Variants in IFNG observed in about 807,000 individuals in gnomAD.
IFNG encodes the protein interferon gamma.
In IFNG, 8 loss-of-function variants were observed where a neutral mutation model predicts 14.4. That is an observed-to-expected ratio of 0.56 (90% CI 0.33 to 1.00). IFNG has a LOEUF of 1.00. IFNG is among the 50% of genes least tolerant of loss of function. The pLI is 0.03. For missense variants in IFNG, 132 were observed against 194.9 expected, an observed-to-expected ratio of 0.68 and a Z score of 1.92; for synonymous variants, 73 against 65.4, an observed-to-expected ratio of 1.12 and a Z score of -0.56.
chr12:68,155,407 T>C lies in IFNG; in HGVS notation c.447A>G (p.Thr149=), dbSNP rs2120738723. 6.2e-7 allele frequency: 1 copy of C among 1,612,310 alleles called. No individual in the cohort carries two copies. The highest frequency in any genetic ancestry group is 8.5e-7 in the Non-Finnish European group (1 of 1,178,960). Reference sequence around the variant, plus strand: ...GCATCTGACTCCTTTTTCGCTTCCCTGTTTTAGCTGCTGGCGACAGTTCAG... The same window carrying C: ...GCATCTGACTCCTTTTTCGCTTCCCCGTTTTAGCTGCTGGCGACAGTTCAG... The part of the protein sequence containing the change: ...VMAELSPAAK[T]GKRKRSQMLF... Residue 149 remains threonine, a synonymous_variant, in exon 4 of 4, where the codon ACA becomes ACG. Coordinates refer to ENST00000229135, the MANE Select transcript of IFNG (RefSeq NM_000619.3).
chr12:68,155,823 C>T (rs548516864), intron 3 of IFNG, among the ~76,000 whole-genome samples: 1 of 152,290 alleles, frequency 6.6e-6, no homozygotes, highest in South Asian at 2.1e-4. Context: ...GAGCCAGCTA[C>T]TTAACCTCTC....
At chr12:68,157,225 A>G (rs1010148093) in intron 3 of IFNG, among the ~76,000 whole-genome samples, 3 of 152,188 alleles carry the variant, frequency 2.0e-5, no homozygotes, top group African/African-American at 7.2e-5. Context: ...ATTTTTCCCT[A>G]AAAACAAACA....
In IFNG at chr12:68,159,482, T is replaced by C; in HGVS notation, c.114+20A>G. 1 of 1,166,568 alleles carries C rather than the reference T, an allele frequency of 8.6e-7. No individual in the cohort carries two copies. Among genetic ancestry groups the C allele is most frequent in the Non-Finnish European group, 1.3e-6 (1 of 789,128 alleles). The allele number at this position is 1,166,568 out of a possible 1,614,324, so 72.3% of individuals were successfully genotyped here. ...GTCATTTTCAACCACAAACAAGTAC[T>C]ATTAAAAAGTCATACTTACAAAATA... On this transcript the variant is annotated intron_variant, in intron 1 of 3. Coordinates refer to ENST00000229135, the MANE Select transcript of IFNG (RefSeq NM_000619.3).
In IFNG at chr12:68,155,181, G is replaced by A; in HGVS notation, c.*172C>T. Reference sequence around the variant, plus strand: ...TAAGTGAGACAGTCACAGGATATAGGAATTATAAATAATACATATATTAAT... The same window carrying A: ...TAAGTGAGACAGTCACAGGATATAGAAATTATAAATAATACATATATTAAT... On this transcript the variant is annotated 3_prime_UTR_variant, in exon 4 of 4. Coordinates refer to ENST00000229135, the MANE Select transcript of IFNG (RefSeq NM_000619.3). The A allele has an allele frequency of 2.4e-6, 1 of 418,244 alleles. No homozygotes were observed. Among genetic ancestry groups the A allele is most frequent in the Non-Finnish European group, 4.1e-6 (1 of 243,434 alleles). 25.9% of individuals were successfully genotyped at this position (418,244 alleles called of 1,614,324 possible).
chr12:68,158,850 A>C (rs1238068032), intron 1 of IFNG, among the ~76,000 whole-genome samples: 2 of 152,178 alleles, frequency 1.3e-5, no homozygotes, highest in Non-Finnish European at 2.9e-5. Flanking sequence ...AAATATTTAA[A>C]ATGTAAAAAC....
rs1343745656 is a variant in IFNG at position 68,155,357 on chromosome 12, T to A, written c.497A>T (p.Gln166Leu). Residue 166 changes from glutamine (Q) to leucine (L), a missense_variant, in exon 4 of 4, where the codon CAG (glutamine) becomes CTG (leucine). Transcript: ENST00000229135. ...ATATTGCAGGCAGGACAACCATTAC[T>A]GGGATGCTCTTCGACCTCGAAACAG... ...QMLFRGRRAS[Q>L] The A allele has an allele frequency of 6.2e-7, 1 of 1,606,028 alleles. No homozygotes were observed.
intron 3 of IFNG, among the ~76,000 whole-genome samples, chr12:68,156,722 A>G (rs1249501246): frequency 1.3e-5 from 2 of 152,162 alleles, no homozygotes; most frequent in Non-Finnish European, 1.5e-5. Context: ...TTACTTTCCA[A>G]TGTTCAAATC....
At chr12:68,159,386 C>A in intron 1 of IFNG, 116 bp downstream of exon 1, 1 of 579,694 alleles carries the variant, frequency 1.7e-6, no homozygotes, top group East Asian at 2.8e-5. Context: ...AACAAAATAA[C>A]ACCAAATCTC....
intron 2 of IFNG, 33 bp downstream of exon 2, chr12:68,158,158 G>C (rs1490550265): frequency 6.3e-7 from 1 of 1,596,956 alleles, no homozygotes; most frequent in Admixed American, 1.7e-5. Context: ...GCAAGCAACA[G>C]GAAAATTAGC....
At position 68,157,939 on chromosome 12, in the gene IFNG, C is replaced by A. The variant is rs1178805738; in HGVS notation, c.340G>T (p.Asp114Tyr). The A allele has an allele frequency of 1.9e-6, 3 of 1,602,664 alleles. No individual in the cohort carries two copies. In the South Asian group the frequency reaches 3.4e-5, roughly 18 times the overall value. The change falls in exon 3 of 4, where the codon GAC (aspartate) becomes TAC (tyrosine). Residue 114 changes from aspartate (D) to tyrosine (Y), a missense_variant. Physicochemically the swap from Asp to Tyr is radical, Grantham distance 160. Transcript: ENST00000229135. ...FFNSNKKKRD[D>Y]FEKLTNYSVT... The stretch of plus-strand genomic sequence containing the variant: ...GAATAATTAGTCAGCTTTTCGAAGT[C>A]ATCTCGTTTCTTTTTGTTGCTATTG...
Sources: gnomAD v4.1 joint callset for allele counts (sites outside exome capture counted in the v4.1 genomes callset) on GRCh38, gnomAD v4.1.1 for gene constraint, MANE v1.5 for transcripts, NCBI Gene and HGNC (gene_info 2026-07-23, HGNC 2026-07-21) for gene names.